VIL1: variants seen among roughly 807,000 people sequenced by gnomAD.
VIL1 encodes the protein villin 1, also known as villin-1.
VIL1 carries 86 observed loss-of-function variants against 104.0 expected under a neutral mutation model. The ratio of observed to expected loss-of-function variants is 0.83; its 90% confidence interval spans 0.69 to 0.99. The LOEUF (loss-of-function observed/expected upper bound fraction) is 0.99. VIL1 is among the 50% of genes least tolerant of loss of function. The pLI is 0.00. For missense variants in VIL1, 944 were observed against 1,054.1 expected, an observed-to-expected ratio of 0.90 and a Z score of 1.45; for synonymous variants, 394 against 412.6, an observed-to-expected ratio of 0.95 and a Z score of 0.55.
At chr2:218,445,230 T>C (rs1455076163) in intron 19 of VIL1, among the ~76,000 whole-genome samples, 1 of 152,046 alleles carries the variant, frequency 6.6e-6, no homozygotes, top group South Asian at 2.1e-4. Flanking sequence ...TGAGACCCTG[T>C]CTCTACAAAA....
At chr2:218,435,248 A>G in intron 14 of VIL1, 41 bp from the exon 15 acceptor site, 1 of 1,600,820 alleles carries the variant, frequency 6.2e-7, no homozygotes, top group Non-Finnish European at 8.5e-7. Flanking sequence ...GGGTGGAGGT[A>G]GGGGTGGCAC....
chr2:218,436,670 TCC>T, intron 16 of VIL1, 44 bp downstream of exon 16: 9 of 1,592,964 alleles, frequency 5.6e-6, no homozygotes, highest in Non-Finnish European at 7.7e-6. Flanking sequence ...GCCACCTCAA[TCC>T]CCAGGGCCAA....
At chr2:218,445,766 T>C (rs978962024) in intron 19 of VIL1, among the ~76,000 whole-genome samples, 2 of 152,112 alleles carry the variant, frequency 1.3e-5, no homozygotes, top group African/African-American at 4.8e-5. Context: ...GATGATGTTT[T>C]ATAGCAACTT....
chr2:218,437,403 T>C, intron 17 of VIL1, 91 bp downstream of exon 17: 1 of 1,464,924 alleles, frequency 6.8e-7, no homozygotes, highest in Non-Finnish European at 9.2e-7. Flanking sequence ...TTGGGATATA[T>C]GACCTGCTGA....
At chr2:218,440,358 C>T (rs745414587) in intron 18 of VIL1, among the ~76,000 whole-genome samples, 2 of 152,204 alleles carry the variant, frequency 1.3e-5, no homozygotes, top group Non-Finnish European at 2.9e-5. Flanking sequence ...CAACCTCCAC[C>T]TCCCAGGTTC....
rs1689485000 is a variant in VIL1, at chr2:218,451,723, G to T, written c.*2387G>T. 1 of 152,426 alleles carries T rather than the reference G, an allele frequency of 6.6e-6. No homozygotes were observed. Among genetic ancestry groups the T allele is most frequent in the Non-Finnish European group, 1.5e-5 (1 of 68,026 alleles). The allele number at this position is 152,426 out of a possible 1,614,324, so 9.4% of individuals were successfully genotyped here. A position where few individuals can be genotyped will look rare whatever the true frequency, so the allele number is the denominator to read the frequency against. ...TACTTGATCAAGGAGAAAAATAAATGTGTAGTCTAACATTTGCTTTCTGGA... is the reference window on the plus strand; with the variant it reads ...TACTTGATCAAGGAGAAAAATAAATTTGTAGTCTAACATTTGCTTTCTGGA... On this transcript the variant is annotated 3_prime_UTR_variant, in exon 20 of 20. Coordinates refer to ENST00000248444, the MANE Select transcript of VIL1 (RefSeq NM_007127.3).
chr2:218,434,536 C>G lies in VIL1; in HGVS notation c.1511C>G (p.Ser504Cys). Residue 504 changes from serine to cysteine, a missense_variant, in exon 14 of 20, where the codon TCC (serine) becomes TGC (cysteine). Coordinates refer to ENST00000248444, the MANE Select transcript of VIL1 (RefSeq NM_007127.3). Reference protein sequence around the residue: ...GRMVVYQGGTSRTNNLETGPS... With the variant: ...GRMVVYQGGTCRTNNLETGPS... ...TGCCCTCACCTGCAGGGAGGCACCTCCCGAACTAACAACTTGGAGACCGGG... is the reference window on the plus strand; with the variant it reads ...TGCCCTCACCTGCAGGGAGGCACCTGCCGAACTAACAACTTGGAGACCGGG... The G allele has an allele frequency of 6.2e-7, 1 of 1,611,682 alleles. No homozygotes were observed. The highest frequency in any genetic ancestry group is 8.5e-7 in the Non-Finnish European group (1 of 1,179,020).
chr2:218,422,051 C>T (rs942778994), intron 1 of VIL1, among the ~76,000 whole-genome samples: 3 of 151,898 alleles, frequency 2.0e-5, no homozygotes, highest in Non-Finnish European at 2.9e-5. Flanking sequence ...GTCAGGAGTT[C>T]GAGACCAGCC....
chr2:218,423,646 C>T, intron 1 of VIL1, 122 bp from the exon 2 acceptor site: 2 of 877,928 alleles, frequency 2.3e-6, no homozygotes, highest in South Asian at 1.6e-5. Flanking sequence ...GAGTAACCCT[C>T]TGTGCTCCCC....
chr2:218,435,228 T>C, intron 14 of VIL1, 61 bp from the exon 15 acceptor site: 1 of 1,581,762 alleles, frequency 6.3e-7, no homozygotes, highest in Non-Finnish European at 8.6e-7. Context: ...GGGCAGTGAA[T>C]GTAGTAGGAG....
In VIL1 at chr2:218,443,261, C is replaced by T. The variant is rs566118893; in HGVS notation, c.2370+2399C>T. On this transcript the variant is annotated intron_variant, in intron 19 of 19. Transcript: ENST00000248444. ...TCGCCCAGGCTGGAGTGCAGTGGCG[C>T]GATCTCGGCTCACTGCAACCTCTGC... 3.3e-5 allele frequency among the ~76,000 whole-genome samples: 5 copies of T among 150,336 alleles called. No homozygotes were observed. The East Asian group carries it at 5.9e-4, about 18-fold the overall frequency.
chr2:218,421,229 G>C (rs1419585467), intron 1 of VIL1, among the ~76,000 whole-genome samples: 1 of 152,078 alleles, frequency 6.6e-6, no homozygotes, highest in African/African-American at 2.4e-5. Flanking sequence ...ATTTCTAGAG[G>C]GCAGAGTGCC....
chr2:218,431,666 G>T (rs1021115333), intron 10 of VIL1, among the ~76,000 whole-genome samples, 191 bp from the exon 11 acceptor site: 4 of 152,152 alleles, frequency 2.6e-5, no homozygotes, highest in Admixed American at 6.5e-5. Flanking sequence ...GAGTTTTAGA[G>T]GGAGGGAGAT....
rs758874178 is a variant in VIL1 at position 218,432,096 on chromosome 2, A to G, written c.1254A>G (p.Leu418=). Reference sequence around the variant, plus strand: ...TGGTACCTGTGGATTCCAAGTGGCTAGGCCACTTCTATGGGGGCGACTGCT... The same window carrying G: ...TGGTACCTGTGGATTCCAAGTGGCTGGGCCACTTCTATGGGGGCGACTGCT... ...LELVPVDSKW[L]GHFYGGDCYL... Residue 418 remains leucine, a synonymous_variant, in exon 12 of 20, where the codon CTA becomes CTG. Transcript: ENST00000248444. The G allele has an allele frequency of 1.9e-5, 30 of 1,613,964 alleles. No homozygotes were observed. Among genetic ancestry groups the G allele is most frequent in the Non-Finnish European group, 2.3e-5 (27 of 1,180,006 alleles).
At chr2:218,440,908 C>T (rs1466118967) in intron 19 of VIL1, 46 bp downstream of exon 19, 2 of 1,608,284 alleles carry the variant, frequency 1.2e-6, no homozygotes, top group African/African-American at 2.7e-5. Context: ...ATTTGTTGGA[C>T]CACCATAGTT....
At chr2:218,445,716 T>C (rs1472394742) in intron 19 of VIL1, among the ~76,000 whole-genome samples, 2 of 152,130 alleles carry the variant, frequency 1.3e-5, no homozygotes, top group East Asian at 3.9e-4. Context: ...CTACCCTGTC[T>C]ACCTCTTGGT....
At position 218,425,754 on chromosome 2, in the gene VIL1, G is replaced by A. The variant is rs766393859; in HGVS notation, c.290G>A (p.Arg97His). 34 of 1,613,922 alleles carry A rather than the reference G, an allele frequency of 2.1e-5. No individual in the cohort carries two copies. Among genetic ancestry groups the A allele is most frequent in the Middle Eastern group, 1.6e-4 (1 of 6,080 alleles). Reference protein sequence around the residue: ...DFLKGRAVQHREVQGNESEAF... With the variant: ...DFLKGRAVQHHEVQGNESEAF... ...CTGAAGGGCCGGGCTGTGCAGCACC[G>A]CGAGGTCCAGGGCAACGAGAGCGAG... The change falls in exon 4 of 20, where the codon CGC becomes CAC. Residue 97 changes from arginine to histidine, a missense_variant. By Grantham distance (29) the Arg-to-His change is conservative (BLOSUM62 0). Coordinates refer to ENST00000248444, the MANE Select transcript of VIL1 (RefSeq NM_007127.3).
At chr2:218,436,784 A>G (rs949337220) in intron 16 of VIL1, among the ~76,000 whole-genome samples, 158 bp downstream of exon 16, 1 of 152,162 alleles carries the variant, frequency 6.6e-6, no homozygotes, top group African/African-American at 2.4e-5. Context: ...AGAAAGAAGG[A>G]AGGTGGGGAG....
chr2:218,426,457 G>C (rs946764366), intron 4 of VIL1, among the ~76,000 whole-genome samples: 1 of 151,784 alleles, frequency 6.6e-6, no homozygotes, highest in South Asian at 2.1e-4. Context: ...GTTTCACCAC[G>C]GGCAGGCTGA....
Sources: gnomAD v4.1 joint callset for allele counts (sites outside exome capture counted in the v4.1 genomes callset) on GRCh38, gnomAD v4.1.1 for gene constraint, MANE v1.5 for transcripts, NCBI Gene and HGNC (gene_info 2026-07-23, HGNC 2026-07-21) for gene names.